Variants in TPRX1 observed in about 807,000 individuals in gnomAD.
TPRX1 encodes the protein tetrapeptide repeat homeobox 1.
In TPRX1, 2 loss-of-function variants were observed where a neutral mutation model predicts 8.1. That is an observed-to-expected ratio of 0.25 (90% CI 0.10 to 0.78). The LOEUF is 0.78. TPRX1 is among the 30% of genes least tolerant of loss of function. The pLI, the probability that TPRX1 is intolerant of heterozygous loss-of-function variation, is 0.70. For missense variants in TPRX1, 517 were observed against 586.9 expected (o/e 0.88, Z 1.23); for synonymous variants, 257 against 254.1 (o/e 1.01, Z -0.11).
chr19:47,802,108 G>A (rs552309242), exon 4 of TPRX1: 258 of 1,587,574 alleles, frequency 1.6e-4, no homozygotes, highest in Non-Finnish European at 2.1e-4. Context: ...TCGGGGCTAG[G>A]CCTGGAAGTG....
chr19:47,813,154 A>AC (rs1599955766), intron 2 of TPRX1, among the ~76,000 whole-genome samples: 1 of 124,330 alleles, frequency 8.0e-6, no homozygotes, highest in Non-Finnish European at 1.8e-5. Context: ...AATAAATAAA[A>AC]CAACCCCCCC....
At chr19:47,815,133 TATATATATATGCAA>T (rs1433677093) in intron 2 of TPRX1, among the ~76,000 whole-genome samples, 9 of 114,024 alleles carry the variant, frequency 7.9e-5, no homozygotes, top group African/African-American at 3.1e-4. Flanking sequence ...TATATATATA[TATATATATATGCAA>T]ATATATATAT....
At chr19:47,813,750 C>T (rs750667022) in intron 2 of TPRX1, among the ~76,000 whole-genome samples, 4 of 151,926 alleles carry the variant, frequency 2.6e-5, no homozygotes, top group Non-Finnish European at 5.9e-5. Flanking sequence ...GGCAGTCTGT[C>T]CCCCAACCCC....
chr19:47,804,710 A>T (rs1188389822), intron 2 of TPRX1, among the ~76,000 whole-genome samples, 159 bp from the exon 1 acceptor site: 1 of 149,788 alleles, frequency 6.7e-6, no homozygotes, highest in East Asian at 2.0e-4. Context: ...ATCCTTCATC[A>T]CTGATCAGGT....
intron 2 of TPRX1, among the ~76,000 whole-genome samples, chr19:47,805,695 C>T (rs562022858): frequency 2.8e-4 from 42 of 152,282 alleles, no homozygotes; most frequent in East Asian, 2.7e-3. Context: ...GATTCCTCAT[C>T]GCACACATTG....
At chr19:47,818,382 C>A in intron 2 of TPRX1, 1 of 409,844 alleles carries the variant, frequency 2.4e-6, no homozygotes, top group East Asian at 8.1e-5. Context: ...CATCACCCAT[C>A]CATCCCTCCA....
chr19:47,804,710 A>G (rs1188389822), intron 2 of TPRX1, among the ~76,000 whole-genome samples, 159 bp from the exon 1 acceptor site: 1 of 149,786 alleles, frequency 6.7e-6, no homozygotes, highest in African/African-American at 2.5e-5. Context: ...ATCCTTCATC[A>G]CTGATCAGGT....
At chr19:47,816,679 C>T (rs995270965) in intron 2 of TPRX1, among the ~76,000 whole-genome samples, 1 of 151,830 alleles carries the variant, frequency 6.6e-6, no homozygotes, top group African/African-American at 2.4e-5. Context: ...ACTACAGGCG[C>T]CCGCCACCAC....
chr19:47,817,010 T>C (rs906540302), intron 2 of TPRX1, among the ~76,000 whole-genome samples: 1 of 152,240 alleles, frequency 6.6e-6, no homozygotes, highest in Admixed American at 6.5e-5. Context: ...GGGAGATCAG[T>C]GTCCTTGCCC....
intron 2 of TPRX1, among the ~76,000 whole-genome samples, chr19:47,809,949 G>A (rs1029730233): frequency 2.0e-5 from 3 of 152,004 alleles, no homozygotes; most frequent in Non-Finnish European, 2.9e-5. Context: ...AAAGTGTGAA[G>A]AAGGGATTAT....
At chr19:47,802,609 T>C in exon 4 of TPRX1, 1 of 1,550,312 alleles carries the variant, frequency 6.5e-7, no homozygotes, top group African/African-American at 1.4e-5. Context: ...GGCCTGGGAT[T>C]GGGGCTGGGA....
chr19:47,818,904 C>G, intron 1 of TPRX1: 1 of 263,938 alleles, frequency 3.8e-6, no homozygotes, highest in Non-Finnish European at 7.6e-6. Flanking sequence ...GCCCCCCACC[C>G]CACAACAGGC....
chr19:47,803,179 G>A (rs952947189), intron 3 of TPRX1, among the ~76,000 whole-genome samples, 199 bp from the exon 3 acceptor site: 6 of 151,976 alleles, frequency 3.9e-5, no homozygotes, highest in African/African-American at 1.5e-4. Flanking sequence ...GAGGAGGGTG[G>A]GGTGGGATGG....
chr19:47,803,039 G>A (rs1439497621), intron 3 of TPRX1, 59 bp from the exon 3 acceptor site: 13 of 1,481,622 alleles, frequency 8.8e-6, no homozygotes, highest in Middle Eastern at 4.9e-4. Context: ...GGCCCAGTGA[G>A]CCTTTTGGGG....
chr19:47,816,799 T>C (rs1440518217), intron 2 of TPRX1, among the ~76,000 whole-genome samples: 1 of 152,322 alleles, frequency 6.6e-6, no homozygotes, highest in South Asian at 2.1e-4. Flanking sequence ...CCCAAAGTGC[T>C]GGGATTACAG....
intron 2 of TPRX1, among the ~76,000 whole-genome samples, chr19:47,813,262 G>A (rs1404614807): frequency 2.7e-5 from 4 of 150,702 alleles, no homozygotes; most frequent in African/African-American, 9.8e-5. Flanking sequence ...GGGAGGTTGA[G>A]GCTGCAATGA....
At chr19:47,810,928 T>C (rs1350815216) in intron 2 of TPRX1, among the ~76,000 whole-genome samples, 1 of 151,118 alleles carries the variant, frequency 6.6e-6, no homozygotes, top group East Asian at 1.9e-4. Flanking sequence ...GTTCAATGTC[T>C]TTCTGACATT....
rs556226011 is a variant in TPRX1 at position 47,807,072 on chromosome 19, C to T, written c.152-3399G>A. Reference sequence around the variant, plus strand: ...GGCATGCACCACCACGCCCAGCTAACTTTTTGTATTTTTAGTAGAGAATGG... The same window carrying T: ...GGCATGCACCACCACGCCCAGCTAATTTTTTGTATTTTTAGTAGAGAATGG... On this transcript the variant is annotated intron_variant, in intron 2 of 3. Coordinates refer to ENST00000535759, the Ensembl canonical transcript of TPRX1. Among the ~76,000 whole-genome samples the T allele has an allele frequency of 1.3e-5, 2 of 151,892 alleles. 1 individual carries two copies. The highest frequency in any genetic ancestry group is 3.9e-4 in the East Asian group (2 of 5,140).
At chr19:47,818,528 G>C in exon 2 of TPRX1, 1 of 456,054 alleles carries the variant, frequency 2.2e-6, no homozygotes, top group Middle Eastern at 3.3e-4. Flanking sequence ...GACAGACAGG[G>C]CCCCATCCTC....
Sources: allele counts gnomAD v4.1 joint callset (sites outside exome capture counted in the v4.1 genomes callset), GRCh38; gene constraint gnomAD v4.1.1; transcripts MANE v1.5; gene names NCBI Gene and HGNC (gene_info 2026-07-23, HGNC 2026-07-21).